The following CCNI variants were observed in gnomAD, a reference collection of about 807,000 sequenced individuals.
CCNI encodes the protein cyclin-I.
CCNI carries 14 observed loss-of-function variants against 34.1 expected under a neutral mutation model. That is an observed-to-expected ratio of 0.41 (90% CI 0.27 to 0.64). The LOEUF (loss-of-function observed/expected upper bound fraction) is 0.64, where lower values mean the gene tolerates loss of function less well. Ranked by LOEUF, CCNI falls within the 30% of genes least tolerant of loss-of-function variation. The pLI is 0.31. For synonymous variants in CCNI, 154 were observed against 158.4 expected (o/e 0.97, Z 0.21); for missense variants, 385 against 440.5 (o/e 0.87, Z 1.13).
At chr4:77,051,426 ATCTT>A (rs928430770) in intron 6 of CCNI, among the ~76,000 whole-genome samples, 1 of 152,204 alleles carries the variant, frequency 6.6e-6, no homozygotes, top group Non-Finnish European at 1.5e-5. Context: ...TGTCACTATA[ATCTT>A]TCTGTGTGAA....
At chr4:77,058,670 G>C in intron 2 of CCNI, 35 bp from the exon 3 acceptor site, 6 of 1,593,012 alleles carry the variant, frequency 3.8e-6, no homozygotes, top group Non-Finnish European at 5.1e-6. Flanking sequence ...AGAAGACAAA[G>C]TTTGAGCTAT....
At chr4:77,061,678 T>C (rs527352436) in intron 2 of CCNI, among the ~76,000 whole-genome samples, 12 of 152,078 alleles carry the variant, frequency 7.9e-5, no homozygotes, top group Non-Finnish European at 1.5e-5. Context: ...GTTGTTTTTG[T>C]TTTTTGTTTT....
chr4:77,053,576 CATT>C (rs1312481221), intron 6 of CCNI, among the ~76,000 whole-genome samples: 2 of 152,130 alleles, frequency 1.3e-5, no homozygotes, highest in African/African-American at 4.8e-5. Context: ...CTATTTACAA[CATT>C]ATTATTTATG....
intron 1 of CCNI, among the ~76,000 whole-genome samples, chr4:77,067,362 T>C (rs1729112139): frequency 1.3e-5 from 2 of 152,156 alleles, no homozygotes; most frequent in Non-Finnish European, 2.9e-5. Context: ...ATACAGTAAG[T>C]TCTACTGAAC....
chr4:77,057,827 T>C (rs922481138), intron 3 of CCNI, among the ~76,000 whole-genome samples: 2 of 152,184 alleles, frequency 1.3e-5, no homozygotes, highest in East Asian at 3.8e-4. Flanking sequence ...ATTCAATAAG[T>C]AGTGACAGAG....
rs925200608 is a variant in CCNI, at chr4:77,068,116, T to C, written c.-43-1711A>G. ...TCGCTTTAACCCAGGAGACAGAGGG[T>C]GCAATGAGCCAAGATTGCACCACTG... On this transcript the variant is annotated intron_variant, in intron 1 of 6. Coordinates refer to ENST00000237654, the MANE Select transcript of CCNI (RefSeq NM_006835.3). Among the ~76,000 whole-genome samples, 5 of 151,906 alleles carry C rather than the reference T, an allele frequency of 3.3e-5. No individual in the cohort carries two copies. The South Asian group carries it at 1.0e-3, about 32-fold the overall frequency.
At chr4:77,062,119 A>G (rs1251869429) in intron 2 of CCNI, among the ~76,000 whole-genome samples, 1 of 113,372 alleles carries the variant, frequency 8.8e-6, no homozygotes, top group Non-Finnish European at 1.7e-5. Context: ...ACTGGAACGC[A>G]CTCCCTTCTC....
chr4:77,074,061 C>G (rs1298686024), intron 1 of CCNI, among the ~76,000 whole-genome samples: 1 of 152,052 alleles, frequency 6.6e-6, no homozygotes, highest in Non-Finnish European at 1.5e-5. Context: ...ATTTTAAAGA[C>G]GAAGAAACAT....
chr4:77,051,461 A>G (rs4252929), intron 6 of CCNI, among the ~76,000 whole-genome samples: 22 of 152,004 alleles, frequency 1.4e-4, no homozygotes, highest in Non-Finnish European at 2.6e-4. Flanking sequence ...AAATAGAGTT[A>G]TATTTTAGCG....
rs751990767 is a variant in CCNI at position 77,048,061 on chromosome 4, T to A, written c.*158A>T. 1.9e-6 allele frequency: 1 copy of A among 529,512 alleles called. No individual in the cohort carries two copies. Among genetic ancestry groups the A allele is most frequent in the African/African-American group, 1.9e-5 (1 of 53,004 alleles). The allele number at this position is 529,512 out of a possible 1,614,324, so 32.8% of individuals were successfully genotyped here. On this transcript the variant is annotated 3_prime_UTR_variant, in exon 7 of 7. Transcript: ENST00000237654. ...TGCTTAAATAACGCTGAATTATAAT[T>A]AGCCACACAAATAATGAGAGTTTTA...
In CCNI at chr4:77,075,501, C is replaced by T. The variant is rs372095674; in HGVS notation, c.-73G>A. On this transcript the variant is annotated 5_prime_UTR_variant, in exon 1 of 7. Transcript: ENST00000237654. ...TCCTCCTCTTCCTCCTCCTCCTCCT[C>T]CCCGGCAGAGCTGTAGGCCTCACAG... 8 of 987,264 alleles carry T rather than the reference C, an allele frequency of 8.1e-6. No homozygotes were observed. The highest frequency in any genetic ancestry group is 8.4e-6 in the Non-Finnish European group (7 of 829,608). 61.2% of individuals were successfully genotyped at this position (987,264 alleles called of 1,614,324 possible).
chr4:77,071,127 G>C lies in CCNI; in HGVS notation c.-44+4345C>G, dbSNP rs544268677. 3.9e-4 allele frequency among the ~76,000 whole-genome samples: 59 copies of C among 152,298 alleles called. 1 individual carries two copies. The South Asian group carries it at 0.012, about 30-fold the overall frequency. On this transcript the variant is annotated intron_variant, in intron 1 of 6. Coordinates refer to ENST00000237654, the MANE Select transcript of CCNI (RefSeq NM_006835.3). ...AGGGGGTTTAGATGGTACAGAAAGA[G>C]ACACATAAAGTAGAATCATGTAAAA...
intron 1 of CCNI, among the ~76,000 whole-genome samples, chr4:77,069,355 A>T (rs1033891776): frequency 6.6e-6 from 1 of 152,178 alleles, no homozygotes; most frequent in Non-Finnish European, 1.5e-5. Flanking sequence ...ACTGCACTCC[A>T]GCCCCAGCAA....
Position 77,070,088 on chromosome 4 carries a change from G to A in CCNI, c.-43-3683C>T, listed in dbSNP as rs566364047. 3.8e-4 allele frequency among the ~76,000 whole-genome samples: 57 copies of A among 150,474 alleles called. 1 individual carries two copies. The South Asian group carries it at 4.8e-3, about 13-fold the overall frequency. The stretch of plus-strand genomic sequence containing the variant: ...GCTAGAGTGTAGTGGCACGATCTCG[G>A]CTCACTGCAACCTCCACCTCCTGGG... On this transcript the variant is annotated intron_variant, in intron 1 of 6. Coordinates refer to ENST00000237654, the MANE Select transcript of CCNI (RefSeq NM_006835.3).
intron 2 of CCNI, among the ~76,000 whole-genome samples, chr4:77,059,999 C>A (rs986125676): frequency 1.3e-5 from 2 of 151,726 alleles, no homozygotes; most frequent in African/African-American, 4.8e-5. Context: ...ACTGGGAAGG[C>A]TTTTAGGGAG....
chr4:77,065,990 A>C (rs1393812094), intron 2 of CCNI, among the ~76,000 whole-genome samples: 1 of 152,142 alleles, frequency 6.6e-6, no homozygotes, highest in Non-Finnish European at 1.5e-5. Context: ...AGTCCCAGCT[A>C]CTCAGGAGGC....
chr4:77,065,695 CCTAA>C (rs770932582), intron 2 of CCNI, among the ~76,000 whole-genome samples: 25 of 152,322 alleles, frequency 1.6e-4, no homozygotes, highest in Non-Finnish European at 2.4e-4. Context: ...AGAAAACAAA[CCTAA>C]CTATTTTCCC....
At chr4:77,062,160 A>G (rs1728655027) in intron 2 of CCNI, among the ~76,000 whole-genome samples, 1 of 152,128 alleles carries the variant, frequency 6.6e-6, no homozygotes, top group Non-Finnish European at 1.5e-5. Context: ...ATCTCTTGAG[A>G]GCTATTTTGA....
chr4:77,055,780 T>C (rs1728179199), intron 5 of CCNI, among the ~76,000 whole-genome samples, 182 bp downstream of exon 5: 1 of 152,166 alleles, frequency 6.6e-6, no homozygotes, highest in Non-Finnish European at 1.5e-5. Flanking sequence ...CCTATTCAAT[T>C]TCTAAGTCTG....
Sources: allele counts gnomAD v4.1 joint callset (sites outside exome capture counted in the v4.1 genomes callset), GRCh38; gene constraint gnomAD v4.1.1; transcripts MANE v1.5; gene names NCBI Gene and HGNC (gene_info 2026-07-23, HGNC 2026-07-21).